FRMD1: variants seen among roughly 807,000 people sequenced by gnomAD.
FRMD1 encodes FERM domain-containing protein 1.
In FRMD1, 51 loss-of-function variants were observed where a neutral mutation model predicts 54.9. That is an observed-to-expected ratio of 0.93 (90% confidence interval 0.74 to 1.17). FRMD1 has a LOEUF of 1.17. Among genes scored for constraint, FRMD1 ranks in the 50% most tolerant of loss-of-function variants. The pLI, the probability that FRMD1 is intolerant of heterozygous loss-of-function variation, is 0.00. For missense variants in FRMD1, 729 were observed against 743.0 expected, an observed-to-expected ratio of 0.98 and a Z score of 0.22; for synonymous variants, 324 against 306.4, an observed-to-expected ratio of 1.06 and a Z score of -0.60.
chr6:168,087,092 G>C (rs1800934450), intron 1 of FRMD1, among the ~76,000 whole-genome samples: 1 of 151,756 alleles, frequency 6.6e-6, no homozygotes, highest in African/African-American at 2.4e-5. Flanking sequence ...TCTTCATGTG[G>C]TGTCTTGCTC....
chr6:168,063,574 C>G (rs370560807), intron 6 of FRMD1, 27 bp downstream of exon 6: 267 of 1,588,276 alleles, frequency 1.7e-4, no homozygotes, highest in Admixed American at 1.0e-4. Context: ...CAGAGTCCAG[C>G]CCATCGCTGG....
Position 168,091,954 on chromosome 6 carries a change from G to A in FRMD1, c.-12+9471C>T, listed in dbSNP as rs77246144. Among the ~76,000 whole-genome samples the A allele has an allele frequency of 5.0e-3, 765 of 152,370 alleles. 10 individuals carry two copies. The highest frequency in any genetic ancestry group is 0.018 in the African/African-American group (729 of 41,584). On this transcript the variant is annotated intron_variant, in intron 1 of 12. Transcript: ENST00000644440. Reference sequence around the variant, plus strand: ...AGTGGCCAGTGACCAGTAGCCCCACGTTCAGGTGTCCAGCACAGGCCAGTC... The same window carrying A: ...AGTGGCCAGTGACCAGTAGCCCCACATTCAGGTGTCCAGCACAGGCCAGTC...
At chr6:168,066,879 C>G in intron 3 of FRMD1, 48 bp from the exon 4 acceptor site, 1 of 1,600,902 alleles carries the variant, frequency 6.2e-7, no homozygotes, top group Non-Finnish European at 8.5e-7. Context: ...AGGGAGGTGC[C>G]GCTGGCTGTC....
At chr6:168,078,129 T>G (rs1053465670) in intron 1 of FRMD1, among the ~76,000 whole-genome samples, 1 of 152,172 alleles carries the variant, frequency 6.6e-6, no homozygotes, top group African/African-American at 2.4e-5. Flanking sequence ...TCATTTTAAT[T>G]GCCACATTTT....
At chr6:168,090,421 G>A (rs547704299) in intron 1 of FRMD1, among the ~76,000 whole-genome samples, 16 of 152,296 alleles carry the variant, frequency 1.1e-4, no homozygotes, top group African/African-American at 3.6e-4. Flanking sequence ...TCCCTGGGCT[G>A]TAGCCACCCT....
At position 168,061,031 on chromosome 6, in the gene FRMD1, T is replaced by C; in HGVS notation, c.1072A>G (p.Ile358Val). 6.2e-7 allele frequency: 1 copy of C among 1,611,864 alleles called. No homozygotes were observed. Among genetic ancestry groups the C allele is most frequent in the Non-Finnish European group, 8.5e-7 (1 of 1,179,134 alleles). Reference sequence around the variant, plus strand: ...AGGTCCAGCTCCAGCTCATCGCTGATATAGGACTCCCGGTAGTGCTGCTTC... The same window carrying C: ...AGGTCCAGCTCCAGCTCATCGCTGACATAGGACTCCCGGTAGTGCTGCTTC... ...EEKQHYRESYISDELELDLAS... is the reference protein window; with the variant it reads ...EEKQHYRESYVSDELELDLAS... Residue 358 changes from isoleucine (I) to valine (V), a missense_variant, in exon 9 of 11, where the codon ATC becomes GTC. Physicochemically the swap from Ile to Val is conservative, Grantham distance 29. Transcript: ENST00000283309.
At chr6:168,078,569 CCCT>C (rs1800696479) in intron 1 of FRMD1, among the ~76,000 whole-genome samples, 1 of 124,632 alleles carries the variant, frequency 8.0e-6, no homozygotes, top group African/African-American at 3.1e-5. Flanking sequence ...GCTCTGCTCA[CCCT>C]CACAGCCCTG....
In FRMD1 at chr6:168,055,775, C is replaced by T. The variant is rs1562399775; in HGVS notation, c.*1322G>A. The T allele has an allele frequency of 2.6e-5, 4 of 152,166 alleles. No individual in the cohort carries two copies. Among genetic ancestry groups the T allele is most frequent in the African/African-American group, 4.8e-5 (2 of 41,440 alleles). The allele number at this position is 152,166 out of a possible 1,614,324, so 9.4% of individuals were successfully genotyped here. Reference sequence around the variant, plus strand: ...TACAGCCGGCATCTCACCAGCCCCCCAGGCAGGCTGGTCCTGGTTCAAGCA... The same window carrying T: ...TACAGCCGGCATCTCACCAGCCCCCTAGGCAGGCTGGTCCTGGTTCAAGCA... On this transcript the variant is annotated 3_prime_UTR_variant, in exon 11 of 11. Coordinates refer to ENST00000283309, the MANE Select transcript of FRMD1 (RefSeq NM_024919.6).
intron 1 of FRMD1, 142 bp from the exon 2 acceptor site, chr6:168,075,477 C>G: frequency 1.4e-6 from 1 of 713,358 alleles, no homozygotes; most frequent in Non-Finnish European, 2.5e-6. Context: ...GGGTCTCTCA[C>G]TCTCTCCCAA....
At chr6:168,073,133 G>A (rs748610) in intron 2 of FRMD1, among the ~76,000 whole-genome samples, 2,466 of 152,294 alleles carry the variant, frequency 0.016, 63 homozygotes, top group Admixed American at 0.052. Context: ...CAGCAAGACT[G>A]ACATCTGCTG....
chr6:168,060,710 G>A (rs1164326512), intron 9 of FRMD1, 51 bp downstream of exon 9: 1 of 1,558,008 alleles, frequency 6.4e-7, no homozygotes, highest in South Asian at 1.2e-5. Context: ...GCTGGGGCTG[G>A]CTGGACCACA....
At chr6:168,061,578 T>A (rs1225037471) in intron 8 of FRMD1, among the ~76,000 whole-genome samples, 1 of 152,080 alleles carries the variant, frequency 6.6e-6, no homozygotes, top group Non-Finnish European at 1.5e-5. Flanking sequence ...AAACCTCAGG[T>A]GGCTCCTCAA....
At chr6:168,086,265 G>A (rs1425658626), upstream of FRMD1, among the ~76,000 whole-genome samples, 1 of 147,070 alleles carries the variant, frequency 6.8e-6, no homozygotes, top group Non-Finnish European at 1.5e-5. Context: ...CCCCAGCATG[G>A]ACACCCGCGT....
At chr6:168,078,433 A>T (rs1045217204) in intron 1 of FRMD1, among the ~76,000 whole-genome samples, 5 of 152,092 alleles carry the variant, frequency 3.3e-5, no homozygotes, top group Non-Finnish European at 7.4e-5. Flanking sequence ...CTGGCCCTTG[A>T]CACCTCACAG....
chr6:168,067,294 C>T (rs1800088304), intron 3 of FRMD1, 73 bp downstream of exon 3: 1 of 976,534 alleles, frequency 1.0e-6, no homozygotes, highest in Non-Finnish European at 1.6e-6. Context: ...CTCTCTCCCA[C>T]CCCACGTGTC....
Position 168,063,486 on chromosome 6 carries a change from TG to T in FRMD1, c.804+114del, listed in dbSNP as rs529013138. On this transcript the variant is annotated intron_variant, in intron 6 of 10. Coordinates refer to ENST00000283309, the MANE Select transcript of FRMD1 (RefSeq NM_024919.6). ...GGGGTCCTGGTCCCACTCTTAGCCA[TG>T]GGGGCTCCATCCATCCCTGCCCTGG... The T allele has an allele frequency of 1.1e-4, 122 of 1,141,800 alleles. No homozygotes were observed. In the African/African-American group the frequency reaches 1.8e-3, roughly 17 times the overall value. 70.7% of individuals were successfully genotyped at this position (1,141,800 alleles called of 1,614,324 possible). A position where few individuals can be genotyped will look rare whatever the true frequency, so the allele number is the denominator to read the frequency against.
At chr6:168,086,822 CG>C in intron 1 of FRMD1, among the ~76,000 whole-genome samples, 1 of 152,348 alleles carries the variant, frequency 6.6e-6, no homozygotes, top group South Asian at 2.1e-4. Flanking sequence ...CTGTGGGGGC[CG>C]GGGTGAAGCC....
chr6:168,062,207 T>A (rs952336343), intron 7 of FRMD1, among the ~76,000 whole-genome samples: 1 of 152,168 alleles, frequency 6.6e-6, no homozygotes, highest in African/African-American at 2.4e-5. Flanking sequence ...CGCAGCAGTG[T>A]GAGGGGAGTG....
intron 4 of FRMD1, chr6:168,065,764 A>G (rs562115972): frequency 9.1e-6 from 9 of 992,208 alleles, no homozygotes; most frequent in Non-Finnish European, 1.1e-5. Flanking sequence ...CCACACAACC[A>G]CACGCCCCTC....
Sources: gnomAD v4.1 joint callset for allele counts (sites outside exome capture counted in the v4.1 genomes callset) on GRCh38, gnomAD v4.1.1 for gene constraint, MANE v1.5 for transcripts, NCBI Gene and HGNC (gene_info 2026-07-23, HGNC 2026-07-21) for gene names.